Variants in MEF2B observed in about 807,000 individuals in gnomAD.
MEF2B encodes the protein myocyte enhancer factor 2B, also known as myocyte-specific enhancer factor 2B.
Under a neutral mutation model 32.2 loss-of-function variants are expected in MEF2B, and 15 were observed. That is an observed-to-expected ratio of 0.47 (90% confidence interval 0.31 to 0.72). MEF2B has a LOEUF of 0.72. Among genes scored for constraint, MEF2B ranks in the 30% least tolerant of loss-of-function variants. The pLI is 0.05. For missense variants in MEF2B, 441 were observed against 511.5 expected, an observed-to-expected ratio of 0.86 and a Z score of 1.33; for synonymous variants, 205 against 225.6, an observed-to-expected ratio of 0.91 and a Z score of 0.82.
intron 3 of MEF2B, among the ~76,000 whole-genome samples, chr19:19,148,922 G>C (rs1351833578): frequency 2.0e-5 from 3 of 151,862 alleles, no homozygotes; most frequent in Non-Finnish European, 1.5e-5. Flanking sequence ...ATGTTGGCCA[G>C]GCTGGTCTAG....
At chr19:19,152,675 C>T (rs1293693043) in intron 1 of MEF2B, among the ~76,000 whole-genome samples, 2 of 152,346 alleles carry the variant, frequency 1.3e-5, no homozygotes, top group East Asian at 3.9e-4. Flanking sequence ...TTTTGACAGG[C>T]TGGGCAACAG....
intron 1 of MEF2B, among the ~76,000 whole-genome samples, chr19:19,154,846 G>A (rs890790120): frequency 4.6e-5 from 7 of 152,188 alleles, no homozygotes; most frequent in African/African-American, 1.4e-4. Context: ...GATCATGGGC[G>A]GCTGGAGAGA....
chr19:19,146,880 G>A lies in MEF2B; in HGVS notation c.542-5C>T, dbSNP rs2146351267. 1 of 1,610,290 alleles carries A rather than the reference G, an allele frequency of 6.2e-7. No homozygotes were observed. The highest frequency in any genetic ancestry group is 8.5e-7 in the Non-Finnish European group (1 of 1,178,474). Reference sequence around the variant, plus strand: ...AGAAGAGAGGGTGCACCAGGCCTGGGGAAGAGGAGACCCCAGAGAGAGAGG... The same window carrying A: ...AGAAGAGAGGGTGCACCAGGCCTGGAGAAGAGGAGACCCCAGAGAGAGAGG... On this transcript the variant is annotated splice_region_variant and splice_polypyrimidine_tract_variant and intron_variant, in intron 5 of 8. Coordinates refer to ENST00000424583, the MANE Select transcript of MEF2B (RefSeq NM_001145785.2).
chr19:19,147,766 G>A lies in MEF2B; in HGVS notation c.325C>T (p.Pro109Ser), dbSNP rs2060039972. 6.2e-7 allele frequency: 1 copy of A among 1,613,754 alleles called. No individual in the cohort carries two copies. Among genetic ancestry groups the A allele is most frequent in the Non-Finnish European group, 8.5e-7 (1 of 1,180,016 alleles). Residue 109 changes from proline (P) to serine (S), a missense_variant, in exon 4 of 9, where the codon CCA (proline) becomes TCA (serine). By Grantham distance (74) the Pro-to-Ser change is moderately conservative. Coordinates refer to ENST00000424583, the MANE Select transcript of MEF2B (RefSeq NM_001145785.2). ...ELEPDEGPEE[P>S]GEKFRRLAGE... Reference sequence around the variant, plus strand: ...GCCAGCCTCCGAAACTTCTCTCCTGGCTCCTCAGGCCCTTCATCCGGCTCC... The same window carrying A: ...GCCAGCCTCCGAAACTTCTCTCCTGACTCCTCAGGCCCTTCATCCGGCTCC...
chr19:19,157,604 T>C (rs2060128687), intron 1 of MEF2B, among the ~76,000 whole-genome samples: 1 of 152,122 alleles, frequency 6.6e-6, no homozygotes, highest in Non-Finnish European at 1.5e-5. Context: ...TCCCAGCACT[T>C]TGGGAGGCCA....
chr19:19,156,369 G>A (rs972648517), intron 1 of MEF2B, among the ~76,000 whole-genome samples: 19 of 151,666 alleles, frequency 1.3e-4, no homozygotes, highest in African/African-American at 4.6e-4. Flanking sequence ...GACCAACCTA[G>A]GCAACATAGC....
intron 1 of MEF2B, among the ~76,000 whole-genome samples, chr19:19,164,206 GATCCACCCACCTC>G (rs1387183521): frequency 6.6e-6 from 1 of 152,060 alleles, no homozygotes; most frequent in East Asian, 1.9e-4. Context: ...ACCTTCAGGT[GATCCACCCACCTC>G]AGCCTCCCAA....
chr19:19,154,364 A>G lies in MEF2B; in HGVS notation c.-29-3600T>C, dbSNP rs554068658. Reference sequence around the variant, plus strand: ...GTTTTAGTAAAGATGGTGTTTCACCATATTGGTCAGGTTGGTCTCAAACTC... The same window carrying G: ...GTTTTAGTAAAGATGGTGTTTCACCGTATTGGTCAGGTTGGTCTCAAACTC... On this transcript the variant is annotated intron_variant, in intron 1 of 8. Coordinates refer to ENST00000424583, the MANE Select transcript of MEF2B (RefSeq NM_001145785.2). Among the ~76,000 whole-genome samples the G allele has an allele frequency of 9.2e-5, 14 of 152,006 alleles. No individual in the cohort carries two copies. The East Asian group carries it at 2.3e-3, about 25-fold the overall frequency.
chr19:19,167,113 G>A (rs1183551621), intron 1 of MEF2B, among the ~76,000 whole-genome samples: 1 of 152,056 alleles, frequency 6.6e-6, no homozygotes, highest in Non-Finnish European at 1.5e-5. Context: ...GACTTTGGGA[G>A]GCCAAGGCAG....
Position 19,145,598 on chromosome 19 carries a change from T to A in MEF2B, c.*199A>T. ...CCACGGACGCCACGCGCGTTTTATT[T>A]GTGGATATACACACAAATAGGAAGA... On this transcript the variant is annotated 3_prime_UTR_variant, in exon 9 of 9. Transcript: ENST00000424583. This position sits in a 1 kb window ranked among gnomAD's most constrained non-coding sequence, Gnocchi z 4.6. The A allele has an allele frequency of 7.7e-7, 1 of 1,297,368 alleles. No individual in the cohort carries two copies. The highest frequency in any genetic ancestry group is 1.0e-6 in the Non-Finnish European group (1 of 956,396). 80.4% of individuals were successfully genotyped at this position (1,297,368 alleles called of 1,614,324 possible).
intron 1 of MEF2B, among the ~76,000 whole-genome samples, chr19:19,157,730 C>T (rs2060129548): frequency 6.6e-6 from 1 of 152,202 alleles, no homozygotes; most frequent in South Asian, 2.1e-4. Flanking sequence ...TGCCTGTAAT[C>T]CTAGCTACTC....
At chr19:19,160,689 C>G (rs1005980) in intron 1 of MEF2B, among the ~76,000 whole-genome samples, 72,636 of 150,488 alleles carry the variant, frequency 0.48, 17,756 homozygotes, top group East Asian at 0.57. Flanking sequence ...CTGCTCCCGG[C>G]CCCTGCAGCG....
chr19:19,160,522 G>C lies in MEF2B; in HGVS notation c.-30+9683C>G, dbSNP rs112605211. Among the ~76,000 whole-genome samples the C allele has an allele frequency of 3.7e-3, 560 of 151,732 alleles. 4 individuals carry two copies. Among genetic ancestry groups the C allele is most frequent in the South Asian group, 0.014 (66 of 4,798 alleles). On this transcript the variant is annotated intron_variant, in intron 1 of 8. Coordinates refer to ENST00000424583, the MANE Select transcript of MEF2B (RefSeq NM_001145785.2). ...CACCCCTGCGGGACTTTACTGGGGG[G>C]ATGAGCTGCAGAGTCACTTCGCCAG...
chr19:19,146,004 GC>G lies in MEF2B; in HGVS notation c.899del (p.Gly300AlafsTer104). On this transcript the variant is annotated frameshift_variant, in exon 9 of 9. Coordinates refer to ENST00000424583, the MANE Select transcript of MEF2B (RefSeq NM_001145785.2). LOFTEE classifies it low-confidence loss of function (END_TRUNC). ...CGCCGCGGGTTGGGGGACCCTCCTC[GC>G]CCAGGCTTCGGCCCCCACTGCAGGG... is the stretch of plus-strand genomic sequence containing the variant. ...SSQPSGGRSL[G>X]EEGPPTRGAS... 3 of 1,433,898 alleles carry G rather than the reference GC, an allele frequency of 2.1e-6. No individual in the cohort carries two copies. The highest frequency in any genetic ancestry group is 2.7e-6 in the Non-Finnish European group (3 of 1,094,834). 88.8% of individuals were successfully genotyped at this position (1,433,898 alleles called of 1,614,324 possible).
intron 8 of MEF2B, 74 bp downstream of exon 8, chr19:19,146,198 AG>A: frequency 1.2e-6 from 1 of 849,808 alleles, no homozygotes; most frequent in Non-Finnish European, 1.7e-6. Flanking sequence ...GCGCAGTACC[AG>A]GGATGGCCAC....
At chr19:19,153,073 C>T (rs1446170105) in intron 1 of MEF2B, among the ~76,000 whole-genome samples, 1 of 152,138 alleles carries the variant, frequency 6.6e-6, no homozygotes, top group Non-Finnish European at 1.5e-5. Flanking sequence ...GGGCCTTGGT[C>T]CGGAGGTCCC....
chr19:19,167,758 C>T (rs1340539206), intron 1 of MEF2B, among the ~76,000 whole-genome samples: 1 of 152,166 alleles, frequency 6.6e-6, no homozygotes, highest in Non-Finnish European at 1.5e-5. Context: ...CAGGAGCTGC[C>T]ACAAAGTTCA....
chr19:19,163,041 C>T (rs1439308118), intron 1 of MEF2B, among the ~76,000 whole-genome samples: 2 of 152,226 alleles, frequency 1.3e-5, no homozygotes, highest in African/African-American at 2.4e-5. Flanking sequence ...TCCCTTTGCC[C>T]GGACTGTGTC....
chr19:19,160,795 G>A (rs1192570711), intron 1 of MEF2B, among the ~76,000 whole-genome samples: 2 of 152,086 alleles, frequency 1.3e-5, no homozygotes, highest in Non-Finnish European at 2.9e-5. Context: ...GAGCCCCTTG[G>A]AAAGCCAGGA....
Sources: gnomAD v4.1 joint callset for allele counts (sites outside exome capture counted in the v4.1 genomes callset) on GRCh38, gnomAD v4.1.1 for gene constraint, Gnocchi (gnomAD v3.1) non-coding constraint, MANE v1.5 for transcripts, NCBI Gene and HGNC (gene_info 2026-07-23, HGNC 2026-07-21) for gene names.